CCSER1: variants seen among roughly 807,000 people sequenced by gnomAD.
CCSER1 encodes the protein serine-rich coiled-coil domain-containing protein 1.
In CCSER1, 41 loss-of-function variants were observed where a neutral mutation model predicts 82.0. The ratio of observed to expected loss-of-function variants is 0.50; its 90% CI spans 0.39 to 0.65. The LOEUF (loss-of-function observed/expected upper bound fraction) is 0.65, where lower values mean the gene tolerates loss of function less well. CCSER1 is among the 30% of genes least tolerant of loss of function. The pLI is 0.00. For missense variants in CCSER1, 1,119 were observed against 1,064.2 expected, an observed-to-expected ratio of 1.05 and a Z score of -0.72; for synonymous variants, 414 against 383.9, an observed-to-expected ratio of 1.08 and a Z score of -0.92.
chr4:90,725,030 T>A (rs1029217865), intron 7 of CCSER1: 8 of 439,206 alleles, frequency 1.8e-5, no homozygotes, highest in African/African-American at 8.1e-5. Context: ...TAGAAGGCCC[T>A]TTCTATACCT....
intron 6 of CCSER1, among the ~76,000 whole-genome samples, chr4:90,692,803 A>G (rs1222263086): frequency 1.3e-5 from 2 of 152,006 alleles, no homozygotes; most frequent in South Asian, 4.1e-4. Context: ...CCAAAGGGCC[A>G]TATTAAATAA....
chr4:90,413,911 T>A (rs1206581719), intron 4 of CCSER1, among the ~76,000 whole-genome samples: 1 of 115,296 alleles, frequency 8.7e-6, no homozygotes, highest in South Asian at 3.0e-4. Flanking sequence ...ATTGCGCCAC[T>A]GCACCCCAGC....
Position 91,216,036 on chromosome 4 carries a change from C to T in CCSER1, c.2217+130042C>T, listed in dbSNP as rs185208747. Among the ~76,000 whole-genome samples the T allele has an allele frequency of 8.3e-4, 127 of 152,236 alleles. No individual in the cohort carries two copies. The Middle Eastern group carries it at 0.017, about 20-fold the overall frequency. ...TGTTCTGAATCTCATACACTTTGTC[C>T]TTCTCAAAACTTTTGCTTATTGGGT... On this transcript the variant is annotated intron_variant, in intron 10 of 10. Transcript: ENST00000509176.
At chr4:91,597,717 C>T (rs559569350) in intron 10 of CCSER1, among the ~76,000 whole-genome samples, 41 of 152,224 alleles carry the variant, frequency 2.7e-4, no homozygotes, top group African/African-American at 9.6e-4. Flanking sequence ...TTGTCTGTTT[C>T]TCTTCATTTT....
chr4:90,941,357 C>A (rs1391142614), intron 9 of CCSER1, among the ~76,000 whole-genome samples: 1 of 151,178 alleles, frequency 6.6e-6, no homozygotes, highest in Non-Finnish European at 1.5e-5. Flanking sequence ...TAATGAAGAC[C>A]CTAAAGTAAT....
chr4:90,659,292 T>G (rs1730315528), intron 6 of CCSER1, among the ~76,000 whole-genome samples: 2 of 152,138 alleles, frequency 1.3e-5, no homozygotes, highest in African/African-American at 4.8e-5. Context: ...TGCCCTAGTG[T>G]TTTGTTAAGA....
In CCSER1 at chr4:91,304,280, TC is replaced by T. The variant is rs372077678; in HGVS notation, c.2217+218287del. On this transcript the variant is annotated intron_variant, in intron 10 of 10. Coordinates refer to ENST00000509176, the MANE Select transcript of CCSER1 (RefSeq NM_001145065.2). ...AAAAGATAACAAAACCACAAAAAAA[TC>T]TATAATTTTAGTATTATGTTTATTT... 2.3e-4 allele frequency among the ~76,000 whole-genome samples: 35 copies of T among 152,174 alleles called. No homozygotes were observed. The East Asian group carries it at 6.2e-3, about 27-fold the overall frequency.
chr4:90,379,443 C>T (rs527946253), intron 3 of CCSER1, among the ~76,000 whole-genome samples: 21 of 152,254 alleles, frequency 1.4e-4, no homozygotes, highest in African/African-American at 4.6e-4. Context: ...AATTTTCCCT[C>T]GCGTCAGATA....
At chr4:90,552,006 TCTG>T (rs1223085020) in intron 5 of CCSER1, among the ~76,000 whole-genome samples, 1 of 152,052 alleles carries the variant, frequency 6.6e-6, no homozygotes, top group African/African-American at 2.4e-5. Context: ...GGGAAGGAAA[TCTG>T]TGTCCCCACA....
intron 10 of CCSER1, among the ~76,000 whole-genome samples, chr4:91,186,743 G>A (rs1734578078): frequency 6.6e-6 from 1 of 152,232 alleles, no homozygotes; most frequent in African/African-American, 2.4e-5. Context: ...GGGAAATGAA[G>A]GGATGGGCTG....
intron 9 of CCSER1, among the ~76,000 whole-genome samples, chr4:90,975,497 A>G (rs1480073769): frequency 6.6e-6 from 1 of 151,274 alleles, no homozygotes; most frequent in Non-Finnish European, 1.5e-5. Context: ...AGTGAATTTT[A>G]TGGTATGTGA....
intron 6 of CCSER1, among the ~76,000 whole-genome samples, chr4:90,628,905 C>T (rs1052286905): frequency 2.0e-5 from 3 of 152,078 alleles, no homozygotes; most frequent in Admixed American, 2.0e-4. Flanking sequence ...ACAAAGTATA[C>T]CCGTGATTAT....
At chr4:91,517,745 CGTGTGTGTGTGTGTGTGT>C (rs71579530) in intron 10 of CCSER1, among the ~76,000 whole-genome samples, 5 of 121,086 alleles carry the variant, frequency 4.1e-5, no homozygotes, top group African/African-American at 9.8e-5. Context: ...AGTTCTTTCT[CGTGTGTGTGTGTGTGTGT>C]GTGTGTGTGT....
intron 2 of CCSER1, 49 bp downstream of exon 2, chr4:90,309,657 A>C (rs1331246882): frequency 7.2e-7 from 1 of 1,380,770 alleles, no homozygotes; most frequent in East Asian, 2.4e-5. Flanking sequence ...AATTTTCATT[A>C]TACTTTATTC....
At chr4:90,736,722 G>A (rs1320280988) in intron 7 of CCSER1, among the ~76,000 whole-genome samples, 2 of 151,672 alleles carry the variant, frequency 1.3e-5, no homozygotes, top group African/African-American at 4.8e-5. Context: ...AATAAGTAAG[G>A]ACTTACTCCT....
intron 9 of CCSER1, among the ~76,000 whole-genome samples, chr4:91,068,902 G>T (rs921226724): frequency 5.3e-5 from 8 of 151,964 alleles, no homozygotes; most frequent in African/African-American, 1.9e-4. Context: ...TTGATTTTTG[G>T]CCAGGCATGG....
intron 7 of CCSER1, 134 bp from the exon 8 acceptor site, chr4:90,815,627 AT>A (rs1259086884): frequency 7.0e-6 from 4 of 574,706 alleles, no homozygotes; most frequent in African/African-American, 3.7e-5. Flanking sequence ...ATTATGAAAA[AT>A]ATCATACTAT....
At chr4:90,827,353 T>G (rs1011873341) in intron 8 of CCSER1, among the ~76,000 whole-genome samples, 10 of 152,200 alleles carry the variant, frequency 6.6e-5, no homozygotes, top group African/African-American at 1.9e-4. Flanking sequence ...ACCACTGGTT[T>G]CAACTGGTCT....
chr4:91,588,557 A>C (rs1467378833), intron 10 of CCSER1, among the ~76,000 whole-genome samples: 1 of 150,518 alleles, frequency 6.6e-6, no homozygotes, highest in East Asian at 1.9e-4. Flanking sequence ...TCAAAAAATT[A>C]GGTGGATATT....
Sources: gnomAD v4.1 joint callset for allele counts (sites outside exome capture counted in the v4.1 genomes callset) on GRCh38, gnomAD v4.1.1 for gene constraint, MANE v1.5 for transcripts, NCBI Gene and HGNC (gene_info 2026-07-23, HGNC 2026-07-21) for gene names.